Variants in ASXL2 observed in about 807,000 individuals in gnomAD.
ASXL2 encodes the protein ASXL transcriptional regulator 2, also known as putative Polycomb group protein ASXL2.
In ASXL2, 23 loss-of-function variants were observed where a neutral mutation model predicts 122.0. That is an observed-to-expected ratio of 0.19 (90% CI 0.14 to 0.27). The LOEUF (loss-of-function observed/expected upper bound fraction) is 0.27, where lower values mean the gene tolerates loss of function less well. ASXL2 is among the 10% of genes least tolerant of loss of function. ASXL2 has a pLI of 1.00. For missense variants in ASXL2, 1,518 were observed against 1,713.8 expected (o/e 0.89, Z 2.02); for synonymous variants, 650 against 637.0 (o/e 1.02, Z -0.31).
chr2:25,856,828 G>T, intron 1 of ASXL2: 1 of 1,019,980 alleles, frequency 9.8e-7, no homozygotes, highest in Non-Finnish European at 1.5e-6. Context: ...CCCACAATCT[G>T]GATGTCCACC....
intron 3 of ASXL2, among the ~76,000 whole-genome samples, chr2:25,830,225 A>G (rs1344047773): frequency 6.6e-6 from 1 of 152,246 alleles, no homozygotes; most frequent in Non-Finnish European, 1.5e-5. Flanking sequence ...AAGACTGGAC[A>G]TCCCCTAACA....
chr2:25,745,816 T>C (rs2087932303), intron 12 of ASXL2, among the ~76,000 whole-genome samples: 1 of 151,708 alleles, frequency 6.6e-6, no homozygotes, highest in African/African-American at 2.4e-5. Flanking sequence ...GCTAATTTTT[T>C]TGTATTTTTA....
intron 1 of ASXL2, among the ~76,000 whole-genome samples, chr2:25,866,419 C>T (rs1000595939): frequency 1.3e-5 from 2 of 152,148 alleles, no homozygotes; most frequent in Non-Finnish European, 2.9e-5. Context: ...TGAGCCACTG[C>T]GCCTGACAAA....
At position 25,799,485 on chromosome 2, in the gene ASXL2, G is replaced by A. The variant is rs543080763; in HGVS notation, c.303C>T (p.Ser101=). ...VKELSEGSEE[S]SDGQSDSQSS... ...TCTGGGAATCTGACTGACCATCACTGCTTTCTTCTGAACCTTCTGACAGCT... is the reference window on the plus strand; with the variant it reads ...TCTGGGAATCTGACTGACCATCACTACTTTCTTCTGAACCTTCTGACAGCT... The change falls in exon 5 of 13, where the codon AGC becomes AGT. Residue 101 remains serine (S), a synonymous_variant. Coordinates refer to ENST00000435504, the MANE Select transcript of ASXL2 (RefSeq NM_018263.6). 8.7e-6 allele frequency: 14 copies of A among 1,613,898 alleles called. No individual in the cohort carries two copies. The South Asian group carries it at 1.5e-4, about 18-fold the overall frequency.
At chr2:25,753,211 C>A (rs534410819) in intron 11 of ASXL2, among the ~76,000 whole-genome samples, 3 of 147,710 alleles carry the variant, frequency 2.0e-5, no homozygotes, top group Non-Finnish European at 4.5e-5. Flanking sequence ...CTCAGGAGTT[C>A]GCCTCGGCCT....
chr2:25,846,740 TGGCA>T lies in ASXL2; in HGVS notation c.58-1181_58-1178del, dbSNP rs1359719445. On this transcript the variant is annotated intron_variant, in intron 1 of 12. Transcript: ENST00000435504. Reference sequence around the variant, plus strand: ...CCGAGATGTGAGAATAGCTTGAACCTGGCAGGCAGAGGTTGCAGTAAGCCGAGAT... The same window carrying T: ...CCGAGATGTGAGAATAGCTTGAACCTGGCAGAGGTTGCAGTAAGCCGAGAT... Among the ~76,000 whole-genome samples, 3 of 152,274 alleles carry T rather than the reference TGGCA, an allele frequency of 2.0e-5. No homozygotes were observed. The East Asian group carries it at 5.8e-4, about 29-fold the overall frequency.
intron 5 of ASXL2, among the ~76,000 whole-genome samples, chr2:25,777,628 T>C (rs976976909): frequency 1.3e-5 from 2 of 152,118 alleles, no homozygotes; most frequent in South Asian, 4.1e-4. Context: ...CTTATCTCTG[T>C]TGAGAAACTT....
chr2:25,839,888 CTTTT>C (rs61637569), intron 2 of ASXL2, among the ~76,000 whole-genome samples: 2 of 136,490 alleles, frequency 1.5e-5, no homozygotes, highest in East Asian at 4.2e-4. Flanking sequence ...ACCATGTTTT[CTTTT>C]TTTTTTTTTT....
chr2:25,824,892 A>C (rs1489560020), intron 3 of ASXL2, among the ~76,000 whole-genome samples: 2 of 152,166 alleles, frequency 1.3e-5, no homozygotes, highest in Admixed American at 1.3e-4. Flanking sequence ...GACACATGTA[A>C]ATGAAGTCCA....
chr2:25,789,697 T>C (rs963464466), intron 5 of ASXL2, among the ~76,000 whole-genome samples: 1 of 152,182 alleles, frequency 6.6e-6, no homozygotes, highest in Admixed American at 6.5e-5. Flanking sequence ...GCATTCTGGA[T>C]TTTGAACTTT....
chr2:25,837,909 G>C (rs1235198367), intron 2 of ASXL2, among the ~76,000 whole-genome samples: 5 of 146,488 alleles, frequency 3.4e-5, no homozygotes, highest in Admixed American at 1.4e-4. Flanking sequence ...TTGAGTCCAG[G>C]AGTTCAAGAC....
intron 3 of ASXL2, among the ~76,000 whole-genome samples, chr2:25,823,720 A>ATTTC (rs576450000): frequency 7.2e-6 from 1 of 139,464 alleles, no homozygotes; most frequent in Non-Finnish European, 1.6e-5. Flanking sequence ...ACAGTATTGG[A>ATTTC]TTTCTTTCTT....
At chr2:25,874,621 A>G (rs940330120) in intron 1 of ASXL2, among the ~76,000 whole-genome samples, 10 of 152,224 alleles carry the variant, frequency 6.6e-5, no homozygotes, top group Non-Finnish European at 1.5e-4. Context: ...ACTGCACTTT[A>G]GCCTTGGTGA....
At chr2:25,765,307 A>G (rs1214079957) in intron 8 of ASXL2, among the ~76,000 whole-genome samples, 2 of 152,118 alleles carry the variant, frequency 1.3e-5, no homozygotes, top group South Asian at 2.1e-4. Flanking sequence ...AACACAGTGA[A>G]ACCCCGTCTC....
chr2:25,847,871 TAAAC>T (rs1053099512), intron 1 of ASXL2, among the ~76,000 whole-genome samples: 18 of 152,218 alleles, frequency 1.2e-4, no homozygotes, highest in East Asian at 3.8e-4. Context: ...AGGTAAATGA[TAAAC>T]AAAGATATTC....
At chr2:25,814,796 C>G (rs935805622) in intron 3 of ASXL2, among the ~76,000 whole-genome samples, 2 of 152,142 alleles carry the variant, frequency 1.3e-5, no homozygotes, top group Non-Finnish European at 2.9e-5. Context: ...TTAGATAAAG[C>G]AAATATAGCA....
intron 3 of ASXL2, among the ~76,000 whole-genome samples, chr2:25,811,460 G>A (rs774166269): frequency 6.6e-5 from 10 of 151,528 alleles, no homozygotes; most frequent in African/African-American, 1.9e-4. Context: ...CAAAACATAC[G>A]GCAGACAAAA....
intron 3 of ASXL2, among the ~76,000 whole-genome samples, chr2:25,821,086 G>A (rs1049954226): frequency 6.6e-6 from 1 of 152,174 alleles, no homozygotes; most frequent in Non-Finnish European, 1.5e-5. Flanking sequence ...GGCTGAGGCA[G>A]GAGAACAGCT....
At chr2:25,843,302 A>AG (rs1491232836) in intron 2 of ASXL2, among the ~76,000 whole-genome samples, 3 of 62,396 alleles carry the variant, frequency 4.8e-5, no homozygotes. Context: ...ACTTCGTCTC[A>AG]AAAAAAAAAA....
Sources: gnomAD v4.1 joint callset for allele counts (sites outside exome capture counted in the v4.1 genomes callset) on GRCh38, gnomAD v4.1.1 for gene constraint, MANE v1.5 for transcripts, NCBI Gene and HGNC (gene_info 2026-07-23, HGNC 2026-07-21) for gene names.